PTPRK: variants seen among roughly 807,000 people sequenced by gnomAD.
PTPRK encodes the protein receptor-type tyrosine-protein phosphatase kappa.
In PTPRK, 75 loss-of-function variants were observed where a neutral mutation model predicts 178.0. The observed-to-expected ratio is 0.42, with a 90% CI of 0.35 to 0.51. The LOEUF (loss-of-function observed/expected upper bound fraction) is 0.51. Ranked by LOEUF, PTPRK falls within the 20% of genes least tolerant of loss-of-function variation. PTPRK has a pLI of 0.02. For missense variants in PTPRK, 1,441 were observed against 1,797.8 expected (o/e 0.80, Z 3.59); for synonymous variants, 637 against 620.6 (o/e 1.03, Z -0.39).
chr6:128,448,032 T>A (rs1847261676), intron 1 of PTPRK, among the ~76,000 whole-genome samples: 1 of 152,154 alleles, frequency 6.6e-6, no homozygotes, highest in African/African-American at 2.4e-5. Context: ...CTCAGAAATA[T>A]CCTTCTTTAT....
chr6:128,238,906 C>A (rs1393060561), intron 5 of PTPRK, among the ~76,000 whole-genome samples: 1 of 152,072 alleles, frequency 6.6e-6, no homozygotes, highest in Non-Finnish European at 1.5e-5. Flanking sequence ...CCTGTTGTAA[C>A]CTCCAATTGG....
At chr6:128,331,140 G>T (rs2128325717) in intron 2 of PTPRK, among the ~76,000 whole-genome samples, 1 of 152,260 alleles carries the variant, frequency 6.6e-6, no homozygotes, top group East Asian at 1.9e-4. Context: ...TCCATGAAAA[G>T]TTGGGATTTC....
intron 1 of PTPRK, among the ~76,000 whole-genome samples, chr6:128,476,510 T>C (rs529523993): frequency 1.3e-5 from 2 of 152,030 alleles, no homozygotes; most frequent in East Asian, 3.9e-4. Context: ...TCCAAAAATA[T>C]GTAAGCAGTA....
chr6:128,153,062 A>G (rs956514696), intron 7 of PTPRK, among the ~76,000 whole-genome samples: 1 of 152,102 alleles, frequency 6.6e-6, no homozygotes, highest in African/African-American at 2.4e-5. Flanking sequence ...CCATGAGGAA[A>G]ATGATCCAGA....
At chr6:127,975,840 T>G (rs1006326813) in intron 27 of PTPRK, among the ~76,000 whole-genome samples, 1 of 150,992 alleles carries the variant, frequency 6.6e-6, no homozygotes, top group African/African-American at 2.5e-5. Flanking sequence ...GTCCAGCTAA[T>G]TTTTGTATTT....
chr6:128,045,015 T>C (rs1777821159), intron 13 of PTPRK, among the ~76,000 whole-genome samples: 1 of 151,994 alleles, frequency 6.6e-6, no homozygotes, highest in Non-Finnish European at 1.5e-5. Flanking sequence ...AATCCTCATA[T>C]AGCCTGTCTG....
intron 1 of PTPRK, among the ~76,000 whole-genome samples, chr6:128,449,566 T>C (rs1270621467): frequency 1.3e-5 from 2 of 152,178 alleles, no homozygotes; most frequent in Admixed American, 6.5e-5. Context: ...GAAATTCTAA[T>C]AAAATAATCT....
At chr6:128,256,907 G>T (rs1817428056) in intron 3 of PTPRK, among the ~76,000 whole-genome samples, 1 of 152,148 alleles carries the variant, frequency 6.6e-6, no homozygotes, top group African/African-American at 2.4e-5. Context: ...CAATTTTGTA[G>T]AACATCTAGT....
At chr6:128,041,802 C>T (rs1343782893) in intron 13 of PTPRK, among the ~76,000 whole-genome samples, 1 of 149,050 alleles carries the variant, frequency 6.7e-6, no homozygotes, top group African/African-American at 2.5e-5. Context: ...TTTTATATAT[C>T]TATAGTTTTA....
At chr6:128,429,899 G>T (rs1303964615) in intron 1 of PTPRK, among the ~76,000 whole-genome samples, 1 of 152,132 alleles carries the variant, frequency 6.6e-6, no homozygotes, top group African/African-American at 2.4e-5. Context: ...GCAATATAAA[G>T]TTAATTTTAA....
intron 3 of PTPRK, among the ~76,000 whole-genome samples, chr6:128,253,878 T>G (rs1816872670): frequency 6.6e-6 from 1 of 152,120 alleles, no homozygotes; most frequent in Admixed American, 6.6e-5. Flanking sequence ...AAAGCAACCT[T>G]TAAGTAAACC....
chr6:128,471,225 T>G (rs949151880), intron 1 of PTPRK, among the ~76,000 whole-genome samples: 1 of 152,064 alleles, frequency 6.6e-6, no homozygotes, highest in Admixed American at 6.6e-5. Context: ...CTGTAAGAAA[T>G]ATGCCACACA....
intron 6 of PTPRK, among the ~76,000 whole-genome samples, chr6:128,192,971 A>T (rs1431779892): frequency 6.6e-6 from 1 of 151,816 alleles, no homozygotes; most frequent in Non-Finnish European, 1.5e-5. Context: ...GGAAAAAACT[A>T]CGTAAATTCT....
rs372471881 is a variant in PTPRK, at chr6:127,998,860, C to T, written c.2539G>A (p.Val847Ile). Residue 847 changes from valine to isoleucine, a missense_variant, in exon 16 of 30, where the codon GTA (valine) becomes ATA (isoleucine). Around this residue, in one of 4 missense-constraint regions of PTPRK, gnomAD observed 945 missense variants for 1,080.6 expected, o/e 0.87. Coordinates refer to ENST00000368226, the MANE Select transcript of PTPRK (RefSeq NM_002844.4). ...GTCCCCTCACAGAGGTAGCGAGGTA[C>T]GTCTAGAAGGCGACTGGACTCTGCT... ...ATAESSRLLD[V>I]PRYLCEGTES... 363 of 1,599,056 alleles carry T rather than the reference C, an allele frequency of 2.3e-4. 3 individuals carry two copies. In the South Asian group the frequency reaches 3.4e-3, roughly 15 times the overall value.
At chr6:128,178,144 T>C (rs1223395446) in intron 7 of PTPRK, among the ~76,000 whole-genome samples, 1 of 151,862 alleles carries the variant, frequency 6.6e-6, no homozygotes, top group East Asian at 1.9e-4. Flanking sequence ...ATTAATAGTG[T>C]TTGGGAAAAA....
intron 2 of PTPRK, among the ~76,000 whole-genome samples, chr6:128,343,044 C>T (rs563877614): frequency 6.6e-6 from 1 of 152,256 alleles, no homozygotes; most frequent in African/African-American, 2.4e-5. Context: ...TGAAAAAGTA[C>T]AGCTACCAAA....
At chr6:128,491,907 T>C in intron 1 of PTPRK, 1 of 461,304 alleles carries the variant, frequency 2.2e-6, no homozygotes, top group Non-Finnish European at 4.4e-6. Flanking sequence ...GGAAGAATAC[T>C]TGGCAATGAA....
rs1182920677 is a variant in PTPRK at position 128,464,650 on chromosome 6, T to C, written c.100+55609A>G. 2.5e-3 allele frequency among the ~76,000 whole-genome samples: 244 copies of C among 96,272 alleles called. 5 individuals carry two copies. Among genetic ancestry groups the C allele is most frequent in the African/African-American group, 0.011 (225 of 19,572 alleles). The allele number at this position is 96,272 out of a possible 152,430, so 63.2% of individuals were successfully genotyped here. A position where few individuals can be genotyped will look rare whatever the true frequency, so the allele number is the denominator to read the frequency against. ...ATATATATATACACATATATATATA[T>C]ATATATATATATATATATATATATA... On this transcript the variant is annotated intron_variant, in intron 1 of 29. Transcript: ENST00000368226.
At chr6:128,378,461 G>A (rs1259855887) in intron 2 of PTPRK, among the ~76,000 whole-genome samples, 1 of 151,916 alleles carries the variant, frequency 6.6e-6, no homozygotes, top group Admixed American at 6.6e-5. Context: ...GATTGATGGT[G>A]ATTTTCTCTT....
Sources: gnomAD v4.1 joint callset for allele counts (sites outside exome capture counted in the v4.1 genomes callset) on GRCh38, gnomAD v4.1.1 for gene constraint, gnomAD v4.1.1 regional missense constraint, MANE v1.5 for transcripts, NCBI Gene and HGNC (gene_info 2026-07-23, HGNC 2026-07-21) for gene names.